SCPEP1: variants seen among roughly 807,000 people sequenced by gnomAD.
The protein encoded by SCPEP1 is serine carboxypeptidase 1, also known as retinoid-inducible serine carboxypeptidase.
Under a neutral mutation model 63.8 loss-of-function variants are expected in SCPEP1, and 51 were observed. That is an observed-to-expected ratio of 0.80 (90% confidence interval 0.64 to 1.01). The LOEUF (loss-of-function observed/expected upper bound fraction) is 1.01, where lower values mean the gene tolerates loss of function less well. SCPEP1 is among the 50% of genes least tolerant of loss of function. The pLI, the probability that SCPEP1 is intolerant of heterozygous loss-of-function variation, is 0.00. For synonymous variants in SCPEP1, 204 were observed against 207.8 expected, an observed-to-expected ratio of 0.98 and a Z score of 0.16; for missense variants, 499 against 554.9, an observed-to-expected ratio of 0.90 and a Z score of 1.01.
chr17:56,992,160 G>T (rs998633336), intron 6 of SCPEP1, among the ~76,000 whole-genome samples: 1 of 152,186 alleles, frequency 6.6e-6, no homozygotes, highest in East Asian at 1.9e-4. Flanking sequence ...TTATGGCTCA[G>T]TTTTTTAAAA....
At position 56,987,382 on chromosome 17, in the gene SCPEP1, C is replaced by G. The variant is rs1042212503; in HGVS notation, c.316-313C>G. ...TGCTTCTTTCTGCGCTAGTTTATTA[C>G]ATTTAGTACATTTGTATTGTATGAA... is the stretch of plus-strand genomic sequence containing the variant. On this transcript the variant is annotated intron_variant, in intron 3 of 12. Coordinates refer to ENST00000262288, the MANE Select transcript of SCPEP1 (RefSeq NM_021626.3). The G allele has an allele frequency of 1.8e-5, 4 of 223,962 alleles. No homozygotes were observed. In the South Asian group the frequency reaches 2.7e-4, roughly 15 times the overall value. The allele number at this position is 223,962 out of a possible 1,614,324, so 13.9% of individuals were successfully genotyped here. A position where few individuals can be genotyped will look rare whatever the true frequency, so the allele number is the denominator to read the frequency against.
chr17:56,978,375 TCA>T (rs1598110624), intron 1 of SCPEP1, 140 bp downstream of exon 1: 23 of 992,290 alleles, frequency 2.3e-5, no homozygotes, highest in South Asian at 1.3e-4. Flanking sequence ...CTTTTGAATC[TCA>T]CTCTTTTTTT....
At chr17:56,998,529 G>A in intron 10 of SCPEP1, 31 bp downstream of exon 10, 4 of 1,518,248 alleles carry the variant, frequency 2.6e-6, no homozygotes, top group South Asian at 1.1e-5. Flanking sequence ...AGTGCCGTTT[G>A]TACAGTTATG....
At chr17:57,006,137 AC>A in intron 12 of SCPEP1, 35 bp from the exon 13 acceptor site, 1 of 1,562,734 alleles carries the variant, frequency 6.4e-7, no homozygotes. Context: ...CAGGAATAGC[AC>A]CAGGAGCACT....
intron 12 of SCPEP1, among the ~76,000 whole-genome samples, chr17:57,005,205 A>G (rs1338538087): frequency 3.9e-5 from 6 of 152,152 alleles, no homozygotes; most frequent in Non-Finnish European, 8.8e-5. Context: ...AAAAGGCTGG[A>G]ATTGTGGAGC....
At position 56,985,417 on chromosome 17, in the gene SCPEP1, GA is replaced by G; in HGVS notation, c.266del (p.Glu89GlyfsTer37). ...TTCTAGCACTGGATTTGGAAACTTT[GA>G]GGAAATTGGGCCCCTTGACAGTGAT... Reference protein sequence around the residue: ...GGSSTGFGNFEEIGPLDSDLK... With the variant: ...GGSSTGFGNFXEIGPLDSDLK... On this transcript the variant is annotated frameshift_variant, in exon 3 of 13. Coordinates refer to ENST00000262288, the MANE Select transcript of SCPEP1 (RefSeq NM_021626.3). LOFTEE classifies it high-confidence loss of function. 1 of 1,614,188 alleles carries G rather than the reference GA, an allele frequency of 6.2e-7. No individual in the cohort carries two copies. The highest frequency in any genetic ancestry group is 2.2e-5 in the East Asian group (1 of 44,876).
intron 10 of SCPEP1, among the ~76,000 whole-genome samples, chr17:57,000,608 A>G (rs1331980038): frequency 6.6e-6 from 1 of 152,150 alleles, no homozygotes; most frequent in Non-Finnish European, 1.5e-5. Context: ...CCAGGTGTCA[A>G]TTCCTCATTA....
At position 57,002,183 on chromosome 17, in the gene SCPEP1, TAAGA is replaced by T. The variant is rs1911759782; in HGVS notation, c.1296+7_1296+10del. 6.2e-7 allele frequency: 1 copy of T among 1,611,882 alleles called. No homozygotes were observed. The highest frequency in any genetic ancestry group is 8.5e-7 in the Non-Finnish European group (1 of 1,179,350). ...TGGATTCTGAAAGCTGGTCATATGGTAAGAAAGAGCTTTTGTTCCAGACTTAAAA... is the reference window on the plus strand; with the variant it reads ...TGGATTCTGAAAGCTGGTCATATGGTAAGAGCTTTTGTTCCAGACTTAAAA... On this transcript the variant is annotated splice_donor_5th_base_variant and intron_variant, in intron 12 of 12. Coordinates refer to ENST00000262288, the MANE Select transcript of SCPEP1 (RefSeq NM_021626.3).
At chr17:56,996,896 C>A in intron 8 of SCPEP1, 66 bp from the exon 9 acceptor site, 1 of 1,033,176 alleles carries the variant, frequency 9.7e-7, no homozygotes, top group Non-Finnish European at 1.5e-6. Context: ...GCCATGTGTC[C>A]TTCTGTTTGG....
chr17:56,987,559 T>C (rs1174862413), intron 3 of SCPEP1, 136 bp from the exon 4 acceptor site: 3 of 761,402 alleles, frequency 3.9e-6, no homozygotes, highest in African/African-American at 3.6e-5. Flanking sequence ...AAAAATCTCT[T>C]TTAGCAACAG....
At chr17:57,003,967 G>A (rs1911813728) in intron 12 of SCPEP1, among the ~76,000 whole-genome samples, 1 of 152,154 alleles carries the variant, frequency 6.6e-6, no homozygotes, top group African/African-American at 2.4e-5. Context: ...GGGAGGCGAA[G>A]GCAGGTGGAT....
chr17:56,979,567 T>C (rs1292286069), intron 1 of SCPEP1, among the ~76,000 whole-genome samples: 1 of 152,218 alleles, frequency 6.6e-6, no homozygotes, highest in Admixed American at 6.5e-5. Flanking sequence ...AAAATGTATT[T>C]AGCCTACTCT....
chr17:56,994,748 C>T (rs188546873), intron 6 of SCPEP1, among the ~76,000 whole-genome samples: 18 of 152,254 alleles, frequency 1.2e-4, no homozygotes. Flanking sequence ...AATTAATGTG[C>T]CATTAGTCTT....
chr17:56,995,540 T>A lies in SCPEP1; in HGVS notation c.691T>A (p.Ser231Thr). 4 of 1,613,798 alleles carry A rather than the reference T, an allele frequency of 2.5e-6. No individual in the cohort carries two copies. The highest frequency in any genetic ancestry group is 3.4e-6 in the Non-Finnish European group (4 of 1,179,892). ...LLEDKGLAEVSKVAEQVLNAV... is the reference protein window; with the variant it reads ...LLEDKGLAEVTKVAEQVLNAV... ...CGAAGACAAAGGTCTGGCAGAGGTGTCTAAGGTTGCAGAGCAAGTACTGAA... is the reference window on the plus strand; with the variant it reads ...CGAAGACAAAGGTCTGGCAGAGGTGACTAAGGTTGCAGAGCAAGTACTGAA... The change falls in exon 8 of 13, where the codon TCT becomes ACT. Residue 231 changes from serine to threonine, a missense_variant. Transcript: ENST00000262288.
At position 56,991,158 on chromosome 17, in the gene SCPEP1, G is replaced by A. The variant is rs199511438; in HGVS notation, c.606G>A (p.Trp202Ter). 4.5e-5 allele frequency: 73 copies of A among 1,613,354 alleles called. No homozygotes were observed. Among genetic ancestry groups the A allele is most frequent in the Non-Finnish European group, 5.8e-5 (68 of 1,179,454 alleles). The change falls in exon 6 of 13, where the codon TGG (tryptophan) becomes TGA (stop). Residue 202 changes from tryptophan to a stop codon, truncating the protein, a stop_gained. Transcript: ENST00000262288. LOFTEE classifies it high-confidence loss of function. The stretch of plus-strand genomic sequence containing the variant: ...CGGGGGTTGCCTTGGGTGATTCCTG[G>A]ATCTCCCCTGTTGGTAAGTGTGGCA... ...NFAGVALGDS[W>*]ISPVDSVLSW...
Position 57,002,051 on chromosome 17 carries a change from C to T in SCPEP1, c.1166C>T (p.Pro389Leu), listed in dbSNP as rs1911753882. Residue 389 changes from proline (P) to leucine (L), a missense_variant, in exon 12 of 13, where the codon CCA becomes CTA. By Grantham distance (98) the Pro-to-Leu change is moderately conservative. Coordinates refer to ENST00000262288, the MANE Select transcript of SCPEP1 (RefSeq NM_021626.3). ...QEAWVRKLKW[P>L]ELPKFSQLKW... ...GCCTGGGTGCGGAAACTGAAGTGGC[C>T]AGAACTGCCTAAATTCAGTCAGCTG... 1.2e-6 allele frequency: 2 copies of T among 1,614,058 alleles called. No homozygotes were observed. Among genetic ancestry groups the T allele is most frequent in the Non-Finnish European group, 8.5e-7 (1 of 1,180,030 alleles).
chr17:57,000,654 G>C (rs1001855809), intron 10 of SCPEP1, among the ~76,000 whole-genome samples: 5 of 152,318 alleles, frequency 3.3e-5, no homozygotes, highest in African/African-American at 1.2e-4. Flanking sequence ...GCTCTCAAGA[G>C]AATGGACCAC....
chr17:57,003,584 T>G (rs1043506099), intron 12 of SCPEP1, among the ~76,000 whole-genome samples: 1 of 152,010 alleles, frequency 6.6e-6, no homozygotes, highest in African/African-American at 2.4e-5. Flanking sequence ...GAATTGCCTA[T>G]AGAACAGAAG....
At chr17:56,988,192 C>G in intron 4 of SCPEP1, 24 bp from the exon 5 acceptor site, 1 of 1,424,424 alleles carries the variant, frequency 7.0e-7, no homozygotes, top group Non-Finnish European at 9.4e-7. Context: ...GTAGTTAATT[C>G]TGTGTAATTC....
Sources: gnomAD v4.1 joint callset for allele counts (sites outside exome capture counted in the v4.1 genomes callset) on GRCh38, gnomAD v4.1.1 for gene constraint, MANE v1.5 for transcripts, NCBI Gene and HGNC (gene_info 2026-07-23, HGNC 2026-07-21) for gene names.